LEKR1: variants seen among roughly 807,000 people sequenced by gnomAD.
LEKR1 encodes leucine, glutamate and lysine rich 1.
A neutral mutation model predicts 72.4 loss-of-function variants in LEKR1; 59 were observed. The ratio of observed to expected loss-of-function variants is 0.82; its 90% confidence interval spans 0.66 to 1.01. LEKR1 has a LOEUF of 1.01. Ranked by LOEUF, LEKR1 falls within the 50% of genes least tolerant of loss-of-function variation. The probability of loss-of-function intolerance (pLI) is 0.00; values close to 1 mark genes in which losing one functional copy is unlikely to be tolerated. For synonymous variants in LEKR1, 257 were observed against 263.2 expected (o/e 0.98, Z 0.23); for missense variants, 728 against 759.2 (o/e 0.96, Z 0.48).
At chr3:157,027,368 GA>G (rs1023788421) in intron 11 of LEKR1, among the ~76,000 whole-genome samples, 5 of 150,350 alleles carry the variant, frequency 3.3e-5, no homozygotes, top group African/African-American at 4.9e-5. Flanking sequence ...ATACAAAAAA[GA>G]AAAAAAAATT....
chr3:156,896,490 C>A (rs891205461), intron 3 of LEKR1, among the ~76,000 whole-genome samples: 2 of 152,098 alleles, frequency 1.3e-5, no homozygotes, highest in African/African-American at 2.4e-5. Context: ...AAATGCAAAT[C>A]AACACCACAA....
At chr3:156,844,403 G>A (rs941698590) in intron 2 of LEKR1, among the ~76,000 whole-genome samples, 4 of 152,170 alleles carry the variant, frequency 2.6e-5, no homozygotes, top group Middle Eastern at 3.4e-3. Context: ...CAAAACTAAA[G>A]TACAGTGTCA....
intron 9 of LEKR1, among the ~76,000 whole-genome samples, chr3:156,995,878 G>T (rs1465576928): frequency 1.3e-5 from 2 of 152,092 alleles, no homozygotes; most frequent in Non-Finnish European, 2.9e-5. Context: ...TAGACCAGTA[G>T]GTTATCATGT....
chr3:156,974,019 C>G (rs1312191281), intron 6 of LEKR1, among the ~76,000 whole-genome samples: 2 of 152,056 alleles, frequency 1.3e-5, no homozygotes, highest in Admixed American at 6.6e-5. Flanking sequence ...TAATACCGCC[C>G]TGGAGACATA....
rs533694200 is a variant in LEKR1, at chr3:156,927,771, T to C, written c.559+167T>C. Among the ~76,000 whole-genome samples the C allele has an allele frequency of 2.6e-5, 4 of 152,048 alleles. No individual in the cohort carries two copies. The South Asian group carries it at 8.3e-4, about 32-fold the overall frequency. ...ATCTATTTCAACTCTGAAATTTAAT[T>C]ATTATAGGTTTATCTAAGATAATCT... On this transcript the variant is annotated intron_variant, in intron 5 of 12. Transcript: ENST00000356539.
chr3:157,022,040 A>T lies in LEKR1; in HGVS notation c.1204-2720A>T, dbSNP rs534186745. On this transcript the variant is annotated intron_variant, in intron 10 of 12. Coordinates refer to ENST00000356539, the MANE Select transcript of LEKR1 (RefSeq NM_001004316.3). Reference sequence around the variant, plus strand: ...GTGATCAAATGAGAAAAGTAGTGGAAGTCAGACTGGAGGAATCCAGGACTG... The same window carrying T: ...GTGATCAAATGAGAAAAGTAGTGGATGTCAGACTGGAGGAATCCAGGACTG... Among the ~76,000 whole-genome samples, 7 of 152,316 alleles carry T rather than the reference A, an allele frequency of 4.6e-5. No homozygotes were observed. In the East Asian group the frequency reaches 1.3e-3, roughly 29 times the overall value.
chr3:156,970,468 AC>A (rs1485379022), intron 6 of LEKR1, among the ~76,000 whole-genome samples: 2 of 152,158 alleles, frequency 1.3e-5, no homozygotes, highest in Non-Finnish European at 2.9e-5. Flanking sequence ...TTTAGGTCTA[AC>A]GTTTAAGTCT....
intron 6 of LEKR1, among the ~76,000 whole-genome samples, chr3:156,974,357 G>T (rs1485381716): frequency 6.6e-6 from 1 of 152,130 alleles, no homozygotes; most frequent in Non-Finnish European, 1.5e-5. Flanking sequence ...TTAAGATGCA[G>T]GTTAGAAGGT....
chr3:156,827,475 A>G (rs139438446), intron 1 of LEKR1, among the ~76,000 whole-genome samples: 258 of 152,356 alleles, frequency 1.7e-3, no homozygotes, highest in African/African-American at 6.0e-3. Context: ...AAGAATGTAT[A>G]GAACACTATG....
At chr3:157,043,576 C>A (rs1333324985) in intron 12 of LEKR1, among the ~76,000 whole-genome samples, 1 of 152,110 alleles carries the variant, frequency 6.6e-6, no homozygotes, top group Non-Finnish European at 1.5e-5. Context: ...AGGGCTACTA[C>A]TTCAGAGTGG....
intron 3 of LEKR1, among the ~76,000 whole-genome samples, chr3:156,895,395 A>T (rs993812925): frequency 6.6e-6 from 1 of 152,072 alleles, no homozygotes; most frequent in Non-Finnish European, 1.5e-5. Flanking sequence ...GGGTGGATCA[A>T]CTGAGCTCAG....
At chr3:156,859,354 T>C (rs1406594310) in intron 3 of LEKR1, among the ~76,000 whole-genome samples, 1 of 152,206 alleles carries the variant, frequency 6.6e-6, no homozygotes, top group Non-Finnish European at 1.5e-5. Context: ...TTCTTGACCT[T>C]AAATTTTTCT....
chr3:156,920,674 T>C lies in LEKR1; in HGVS notation c.363T>C (p.Tyr121=), dbSNP rs943238008. 1.4e-5 allele frequency: 19 copies of C among 1,404,462 alleles called. No individual in the cohort carries two copies. The Admixed American group carries it at 3.6e-4, about 27-fold the overall frequency. 87.0% of individuals were successfully genotyped at this position (1,404,462 alleles called of 1,614,324 possible). A position where few individuals can be genotyped will look rare whatever the true frequency, so the allele number is the denominator to read the frequency against. The change falls in exon 4 of 13, where the codon TAT becomes TAC. Residue 121 remains tyrosine (Y), a synonymous_variant. Coordinates refer to ENST00000356539, the MANE Select transcript of LEKR1 (RefSeq NM_001004316.3). The part of the protein sequence containing the change: ...SHLQDELKIK[Y]RQSYIFSQRL... ...TGCAAGATGAGCTAAAAATTAAATATAGACAATCATACATCTTCAGGTAAG... is the reference window on the plus strand; with the variant it reads ...TGCAAGATGAGCTAAAAATTAAATACAGACAATCATACATCTTCAGGTAAG...
chr3:156,966,234 A>C (rs1156775665), intron 6 of LEKR1, among the ~76,000 whole-genome samples: 1 of 152,072 alleles, frequency 6.6e-6, no homozygotes, highest in Non-Finnish European at 1.5e-5. Flanking sequence ...CTGCATTTCC[A>C]ACTGAGGTAC....
chr3:156,959,071 T>C (rs2107982153), intron 6 of LEKR1, among the ~76,000 whole-genome samples: 1 of 152,312 alleles, frequency 6.6e-6, no homozygotes, highest in South Asian at 2.1e-4. Flanking sequence ...TTCATAGCTT[T>C]TCCAGCTTAT....
At chr3:156,899,625 CATAT>C (rs1239212421) in intron 3 of LEKR1, among the ~76,000 whole-genome samples, 7 of 88,550 alleles carry the variant, frequency 7.9e-5, no homozygotes, top group Non-Finnish European at 1.5e-4. Context: ...CATATATACA[CATAT>C]ATACACGCAT....
chr3:157,007,687 G>C (rs1732569296), intron 9 of LEKR1, among the ~76,000 whole-genome samples: 1 of 152,186 alleles, frequency 6.6e-6, no homozygotes, highest in Non-Finnish European at 1.5e-5. Context: ...GTTTTGTTTT[G>C]TTTCTTGCCA....
rs777370792 is a variant in LEKR1, at chr3:157,024,924, G to A, written c.1368G>A (p.Lys456=). ...AAGAACAAGAGGAACTACAAATGAA[G>A]GTCTGTAATTATGATGTTCATCATT... ...YKKEQEELQM[K]ISDLITGATR... Residue 456 remains lysine, a splice_region_variant and synonymous_variant, in exon 11 of 13, where the codon AAG becomes AAA. Transcript: ENST00000356539. The A allele has an allele frequency of 1.9e-6, 3 of 1,568,752 alleles. No homozygotes were observed. The highest frequency in any genetic ancestry group is 2.3e-5 in the South Asian group (2 of 86,240).
chr3:156,960,903 C>T (rs963380737), intron 6 of LEKR1, among the ~76,000 whole-genome samples: 2 of 152,142 alleles, frequency 1.3e-5, no homozygotes, highest in Non-Finnish European at 2.9e-5. Context: ...GTTTAGCTCA[C>T]ACTAATAACT....
Sources: gnomAD v4.1 joint callset for allele counts (sites outside exome capture counted in the v4.1 genomes callset) on GRCh38, gnomAD v4.1.1 for gene constraint, MANE v1.5 for transcripts, NCBI Gene and HGNC (gene_info 2026-07-23, HGNC 2026-07-21) for gene names.